Variants in FBXL2 observed in about 807,000 individuals in gnomAD.
FBXL2 encodes the protein F-box/LRR-repeat protein 2.
Under a neutral mutation model 69.2 loss-of-function variants are expected in FBXL2, and 38 were observed. The observed-to-expected ratio is 0.55, with a 90% CI of 0.42 to 0.72. FBXL2 has a LOEUF of 0.72. FBXL2 is among the 30% of genes least tolerant of loss of function. The pLI, the probability that FBXL2 is intolerant of heterozygous loss-of-function variation, is 0.00. For missense variants in FBXL2, 354 were observed against 520.3 expected (o/e 0.68, Z 3.11); for synonymous variants, 192 against 201.3 (o/e 0.95, Z 0.39).
the FBXL2 span, chr3:33,416,866 C>G: frequency 2.6e-6 from 4 of 1,547,132 alleles, no homozygotes; most frequent in Non-Finnish European, 3.6e-6. Context: ...AAAAAACAAT[C>G]CTTATAAAGA....
At chr3:33,322,065 T>C (rs1319359439) in intron 2 of FBXL2, among the ~76,000 whole-genome samples, 3 of 46,430 alleles carry the variant, frequency 6.5e-5, no homozygotes, top group Non-Finnish European at 1.1e-4. Flanking sequence ...GACTAGGTGA[T>C]TTTTTTTTTT....
intron 2 of FBXL2, among the ~76,000 whole-genome samples, chr3:33,313,657 A>T (rs1365587455): frequency 6.8e-6 from 1 of 147,170 alleles, no homozygotes; most frequent in Non-Finnish European, 1.5e-5. Context: ...TATGTTGCCC[A>T]GGCTGGTCTC....
At chr3:33,418,064 G>A in the FBXL2 span, among the ~76,000 whole-genome samples, 8 of 152,152 alleles carry the variant, frequency 5.3e-5, no homozygotes, top group African/African-American at 1.9e-4. Context: ...ATTGGAAGAA[G>A]ATATATGCAC....
chr3:33,393,540 T>C, intron 12 of FBXL2: 1 of 1,317,450 alleles, frequency 7.6e-7, no homozygotes, highest in Non-Finnish European at 1.0e-6. Flanking sequence ...TGTACGAAGG[T>C]CACACCTTTC....
At chr3:33,323,959 C>T (rs1355239622) in intron 2 of FBXL2, among the ~76,000 whole-genome samples, 2 of 152,216 alleles carry the variant, frequency 1.3e-5, no homozygotes, top group Admixed American at 6.5e-5. Flanking sequence ...CACATCCTCT[C>T]CAGCATCTGT....
At chr3:33,296,478 A>C (rs945514939) in intron 1 of FBXL2, among the ~76,000 whole-genome samples, 2 of 152,138 alleles carry the variant, frequency 1.3e-5, no homozygotes, top group Non-Finnish European at 2.9e-5. Flanking sequence ...ATTTATGCTT[A>C]TGTTTTCTTC....
intron 1 of FBXL2, among the ~76,000 whole-genome samples, chr3:33,287,449 G>T (rs1157265681): frequency 1.3e-5 from 2 of 152,106 alleles, no homozygotes; most frequent in Non-Finnish European, 2.9e-5. Flanking sequence ...ATGTCCCTAA[G>T]AAATTGGCAT....
the FBXL2 span, among the ~76,000 whole-genome samples, chr3:33,414,431 A>C: frequency 9.2e-5 from 14 of 152,162 alleles, no homozygotes; most frequent in Non-Finnish European, 2.9e-5. Flanking sequence ...CTAAAAGAAA[A>C]AAATAGGACA....
chr3:33,376,464 T>A (rs1008660540), intron 10 of FBXL2, among the ~76,000 whole-genome samples: 1 of 152,220 alleles, frequency 6.6e-6, no homozygotes, highest in Admixed American at 6.5e-5. Context: ...TTCTGCTTAG[T>A]AGAAGGAATT....
At chr3:33,369,586 T>C (rs1043977985) in intron 5 of FBXL2, among the ~76,000 whole-genome samples, 1 of 152,068 alleles carries the variant, frequency 6.6e-6, no homozygotes, top group African/African-American at 2.4e-5. Context: ...AGCCAATTAT[T>C]TTTAAGAGAT....
At chr3:33,351,962 T>TAAA (rs56082631) in intron 2 of FBXL2, among the ~76,000 whole-genome samples, 1 of 112,084 alleles carries the variant, frequency 8.9e-6, no homozygotes, top group East Asian at 2.6e-4. Flanking sequence ...CCCCATCACT[T>TAAA]AAAAAAAAAA....
In FBXL2 at chr3:33,375,408, C is replaced by T; in HGVS notation, c.778C>T (p.Pro260Ser). 1.2e-6 allele frequency: 2 copies of T among 1,614,068 alleles called. No homozygotes were observed. ...TCTTACAGCCCTGGGTTTGAACTGT[C>T]CGCGACTGCAGTGAGTACACTGCAC... ...ASLTALGLNCPRLQILEAARC... is the reference protein window; with the variant it reads ...ASLTALGLNCSRLQILEAARC... The change falls in exon 10 of 15, where the codon CCG (proline) becomes TCG (serine). Residue 260 changes from proline to serine, a missense_variant. By Grantham distance (74) the Pro-to-Ser change is moderately conservative. Transcript: ENST00000484457.
At chr3:33,278,475 C>A (rs1487333020) in intron 1 of FBXL2, 1 of 152,264 alleles carries the variant, frequency 6.6e-6, no homozygotes, top group Non-Finnish European at 1.5e-5. Flanking sequence ...TTCTCCTTAT[C>A]TGCAGGAGTT....
intron 5 of FBXL2, among the ~76,000 whole-genome samples, chr3:33,366,946 ATAAAT>A (rs1190984084): frequency 6.6e-6 from 1 of 152,236 alleles, no homozygotes; most frequent in Non-Finnish European, 1.5e-5. Flanking sequence ...TCAAAAATAA[ATAAAT>A]TAAATAAAAA....
At chr3:33,416,952 G>A in the FBXL2 span, 1 of 828,542 alleles carries the variant, frequency 1.2e-6, no homozygotes, top group Non-Finnish European at 1.9e-6. Flanking sequence ...TTGTTAATTT[G>A]CTACGGAAGC....
chr3:33,364,850 G>T, intron 5 of FBXL2, 131 bp downstream of exon 5: 1 of 813,508 alleles, frequency 1.2e-6, no homozygotes, highest in South Asian at 1.6e-5. Context: ...AGTAATGAGA[G>T]GACCAGGACT....
At chr3:33,410,886 A>G in the FBXL2 span, among the ~76,000 whole-genome samples, 8 of 152,076 alleles carry the variant, frequency 5.3e-5, no homozygotes. Flanking sequence ...AGTCTGGCCA[A>G]TATGGTGAAA....
chr3:33,321,423 A>G (rs1303169304), intron 2 of FBXL2, among the ~76,000 whole-genome samples: 2 of 152,362 alleles, frequency 1.3e-5, no homozygotes, highest in Non-Finnish European at 2.9e-5. Context: ...ATATGAAAAG[A>G]TACTTCACAT....
chr3:33,290,131 G>A (rs1264287802), intron 1 of FBXL2, among the ~76,000 whole-genome samples: 1 of 152,192 alleles, frequency 6.6e-6, no homozygotes, highest in African/African-American at 2.4e-5. Context: ...AAGAAACCTT[G>A]CATAGGTTAT....
Sources: allele counts gnomAD v4.1 joint callset (sites outside exome capture counted in the v4.1 genomes callset), GRCh38; gene constraint gnomAD v4.1.1; transcripts MANE v1.5; gene names NCBI Gene and HGNC (gene_info 2026-07-23, HGNC 2026-07-21).